The following COXFA4 variants were observed in gnomAD, a reference collection of about 807,000 sequenced individuals.
The protein encoded by COXFA4 is cytochrome c oxidase associated subunit FA4.
At chr7:10,933,694 T>G in the COXFA4 span, 1 of 1,605,348 alleles carries the variant, frequency 6.2e-7, no homozygotes, top group Non-Finnish European at 8.5e-7. Flanking sequence ...TGAGTAGAAC[T>G]TGGAACAGAA....
the COXFA4 span, chr7:10,937,942 AT>A: frequency 3.6e-4 from 239 of 669,950 alleles, 1 homozygote; most frequent in African/African-American, 4.1e-3. Flanking sequence ...GCAATATACC[AT>A]TTTCATTTCA....
At chr7:10,939,857 G>A in the COXFA4 span, 13 of 837,894 alleles carry the variant, frequency 1.6e-5, no homozygotes, top group East Asian at 1.9e-4. Context: ...GGGTCACAGA[G>A]GCCTGGGACA....
the COXFA4 span, chr7:10,938,577 T>C: frequency 6.3e-6 from 3 of 475,108 alleles, no homozygotes; most frequent in Non-Finnish European, 3.8e-6. Context: ...CATTACAAGA[T>C]TTGGTATTAG....
the COXFA4 span, chr7:10,932,640 A>G: frequency 2.0e-5 from 3 of 152,174 alleles, no homozygotes; most frequent in African/African-American, 7.2e-5. Context: ...TATATTCCCC[A>G]TCTTAAAATT....
chr7:10,940,087 G>A, the COXFA4 span: 5 of 1,612,146 alleles, frequency 3.1e-6, no homozygotes, highest in Non-Finnish European at 4.2e-6. Context: ...GACTGGAAAG[G>A]AGAGAACCGA....
At chr7:10,933,301 C>T in the COXFA4 span, 2 of 243,632 alleles carry the variant, frequency 8.2e-6, no homozygotes, top group Non-Finnish European at 1.6e-5. Context: ...GTGAAGTTAC[C>T]AACAGTCTAT....
At chr7:10,934,604 A>G in the COXFA4 span, among the ~76,000 whole-genome samples, 1,606 of 152,280 alleles carry the variant, frequency 0.011, 17 homozygotes, top group Middle Eastern at 0.041. Flanking sequence ...TTTCAGAATG[A>G]TAAACATTTT....
the COXFA4 span, chr7:10,938,889 G>A: frequency 5.0e-6 from 8 of 1,612,342 alleles, no homozygotes; most frequent in Non-Finnish European, 6.8e-6. Context: ...TACAAAGAGG[G>A]GGATCAACTA....
the COXFA4 span, chr7:10,938,132 G>A: frequency 6.2e-7 from 1 of 1,612,818 alleles, no homozygotes; most frequent in South Asian, 1.1e-5. Flanking sequence ...AGGGCTCTGG[G>A]TTATTTCTGT....
the COXFA4 span, chr7:10,939,742 C>T: frequency 2.0e-6 from 1 of 512,656 alleles, no homozygotes. Flanking sequence ...GAGCGGCCAC[C>T]AGACTGTTCC....
At chr7:10,940,128 T>A in the COXFA4 span, 1 of 1,479,108 alleles carries the variant, frequency 6.8e-7, no homozygotes, top group Non-Finnish European at 9.4e-7. Flanking sequence ...CTAAAAATTA[T>A]CTGCAATGAG....
chr7:10,935,515 T>C, the COXFA4 span, among the ~76,000 whole-genome samples: 1 of 152,252 alleles, frequency 6.6e-6, no homozygotes, highest in Non-Finnish European at 1.5e-5. Flanking sequence ...ACTGAATGTT[T>C]ATGTCCTCCC....
the COXFA4 span, chr7:10,939,843 T>C: frequency 5.1e-6 from 4 of 784,902 alleles, no homozygotes; most frequent in Non-Finnish European, 9.0e-6. Context: ...ATGCATGGCG[T>C]AGAGGGTCAC....
At chr7:10,939,299 C>A in the COXFA4 span, 2 of 207,784 alleles carry the variant, frequency 9.6e-6, no homozygotes, top group Non-Finnish European at 2.0e-5. Context: ...AAGGGTGCCT[C>A]TATAAAGATG....
At chr7:10,934,077 T>C in the COXFA4 span, among the ~76,000 whole-genome samples, 5 of 152,240 alleles carry the variant, frequency 3.3e-5, no homozygotes, top group East Asian at 9.6e-4. Flanking sequence ...GAATAGAGGA[T>C]TAACAAGAAT....
the COXFA4 span, chr7:10,933,766 G>T: frequency 1.7e-6 from 2 of 1,147,642 alleles, no homozygotes; most frequent in Non-Finnish European, 2.6e-6. Context: ...AGAATTCTTT[G>T]TATTTGGTTT....
the COXFA4 span, chr7:10,932,920 T>C: frequency 6.6e-6 from 1 of 151,024 alleles, no homozygotes; most frequent in African/African-American, 2.4e-5. Flanking sequence ...CAGTGATCCA[T>C]GTTTGTACCA....
the COXFA4 span, chr7:10,933,162 A>G: frequency 6.3e-6 from 1 of 159,680 alleles, no homozygotes; most frequent in African/African-American, 2.4e-5. Context: ...CCATTGTTAA[A>G]AACTGCACAC....
the COXFA4 span, chr7:10,939,217 A>G: frequency 9.8e-5 from 25 of 255,012 alleles, no homozygotes; most frequent in South Asian, 1.2e-3. Flanking sequence ...TAATATTTAC[A>G]TGTCATTCCC....
Sources: allele counts gnomAD v4.1 joint callset (sites outside exome capture counted in the v4.1 genomes callset), GRCh38; gene constraint gnomAD v4.1.1; transcripts MANE v1.5; gene names NCBI Gene and HGNC (gene_info 2026-07-23, HGNC 2026-07-21).